Variants in CRLF3 observed in about 807,000 individuals in gnomAD.
The protein encoded by CRLF3 is cytokine receptor like factor 3.
A neutral mutation model predicts 55.0 loss-of-function variants in CRLF3; 33 were observed. The observed-to-expected ratio is 0.60, with a 90% CI of 0.46 to 0.80. The LOEUF is 0.80. Ranked by LOEUF, CRLF3 falls within the 30% of genes least tolerant of loss-of-function variation. CRLF3 has a pLI of 0.00. For synonymous variants in CRLF3, 238 were observed against 196.8 expected (o/e 1.21, Z -1.75); for missense variants, 494 against 538.4 (o/e 0.92, Z 0.82).
chr17:30,786,202 T>C (rs1381087707), intron 6 of CRLF3, 171 bp from the exon 7 acceptor site: 2 of 516,238 alleles, frequency 3.9e-6, no homozygotes, highest in Non-Finnish European at 6.8e-6. Context: ...AATTATTTTA[T>C]ATCTATCTAT....
At chr17:30,788,025 G>A (rs1208552131) in intron 6 of CRLF3, among the ~76,000 whole-genome samples, 12 of 150,706 alleles carry the variant, frequency 8.0e-5, no homozygotes. Context: ...GAGAGCTGGG[G>A]AGGGGAATGA....
intron 4 of CRLF3, 27 bp downstream of exon 4, chr17:30,796,133 T>G: frequency 1.3e-6 from 2 of 1,538,708 alleles, no homozygotes; most frequent in Non-Finnish European, 1.8e-6. Context: ...AATGTGGAAG[T>G]CATTTCTAGA....
At chr17:30,807,522 T>C (rs1904449442) in intron 1 of CRLF3, among the ~76,000 whole-genome samples, 1 of 85,536 alleles carries the variant, frequency 1.2e-5, no homozygotes, top group Admixed American at 1.2e-4. Context: ...CTTTCCTTTT[T>C]TTTTTTTTTT....
intron 1 of CRLF3, among the ~76,000 whole-genome samples, chr17:30,806,149 G>A (rs1370432144): frequency 1.3e-5 from 2 of 152,276 alleles, no homozygotes; most frequent in African/African-American, 4.8e-5. Flanking sequence ...GTAGGAGGCA[G>A]AGCTGGGACA....
Position 30,783,575 on chromosome 17 carries a change from C to T in CRLF3, c.*612G>A, listed in dbSNP as rs1971553318. On this transcript the variant is annotated 3_prime_UTR_variant, in exon 8 of 8. Transcript: ENST00000324238. ...GAGGTTGCAGTGAACTGAGATCACA[C>T]CACTGCACTCCAGCCTGAGTGACAA... 1 of 152,244 alleles carries T rather than the reference C, an allele frequency of 6.6e-6. No individual in the cohort carries two copies. The highest frequency in any genetic ancestry group is 2.4e-5 in the African/African-American group (1 of 41,428). The allele number at this position is 152,244 out of a possible 1,614,324, so 9.4% of individuals were successfully genotyped here.
intron 2 of CRLF3, among the ~76,000 whole-genome samples, chr17:30,802,581 C>A (rs1407870083): frequency 6.6e-6 from 1 of 152,032 alleles, no homozygotes; most frequent in Non-Finnish European, 1.5e-5. Context: ...CAGGTGCATG[C>A]CACCATGCCC....
Position 30,784,125 on chromosome 17 carries a change from A to T in CRLF3, c.*62T>A. 1 of 1,471,870 alleles carries T rather than the reference A, an allele frequency of 6.8e-7. No individual in the cohort carries two copies. Among genetic ancestry groups the T allele is most frequent in the Non-Finnish European group, 9.2e-7 (1 of 1,089,064 alleles). The allele number at this position is 1,471,870 out of a possible 1,614,324, so 91.2% of individuals were successfully genotyped here. ...CAACTTTTTTTTTAAAGCAATTACA[A>T]CTACGCTGGGCTGAGGACAGCTACG... On this transcript the variant is annotated 3_prime_UTR_variant, in exon 8 of 8. Transcript: ENST00000324238.
chr17:30,788,682 A>C (rs1275531222), intron 6 of CRLF3, among the ~76,000 whole-genome samples: 1 of 132,840 alleles, frequency 7.5e-6, no homozygotes, highest in East Asian at 2.3e-4. Context: ...ATCTCGGCTC[A>C]CTGCAACCTC....
Position 30,792,532 on chromosome 17 carries a change from T to A in CRLF3, c.867A>T (p.Arg289=). 6.2e-7 allele frequency: 1 copy of A among 1,612,606 alleles called. No homozygotes were observed. Among genetic ancestry groups the A allele is most frequent in the Non-Finnish European group, 8.5e-7 (1 of 1,178,760 alleles). The change falls in exon 6 of 8, where the codon CGA becomes CGT. Residue 289 remains arginine, a synonymous_variant. Coordinates refer to ENST00000324238, the MANE Select transcript of CRLF3 (RefSeq NM_015986.4). ...AGFEGYSLSS[R]RNIALRNDSE... ...AATCGTTCCGAAGTGCTATATTTCT[T>A]CGACTGCTCAGACTGTACCCCTCAA...
intron 1 of CRLF3, chr17:30,809,584 C>T (rs1348267769): frequency 1.3e-5 from 2 of 152,218 alleles, no homozygotes; most frequent in African/African-American, 2.4e-5. Context: ...CCCAAGGCTT[C>T]GCAGTGCCAG....
intron 6 of CRLF3, among the ~76,000 whole-genome samples, chr17:30,788,030 G>T (rs971469284): frequency 2.0e-5 from 3 of 151,458 alleles, no homozygotes; most frequent in African/African-American, 7.3e-5. Flanking sequence ...CTGGGGAGGG[G>T]AATGAGAAAG....
chr17:30,811,969 G>C (rs1181339981), intron 1 of CRLF3, among the ~76,000 whole-genome samples: 2 of 148,394 alleles, frequency 1.3e-5, no homozygotes, highest in Admixed American at 6.7e-5. Flanking sequence ...AATTAGTTGG[G>C]CTTGGTGGCG....
chr17:30,822,731 C>G (rs2142278988), intron 1 of CRLF3, among the ~76,000 whole-genome samples: 1 of 152,110 alleles, frequency 6.6e-6, no homozygotes, highest in South Asian at 2.1e-4. Flanking sequence ...ATTAATTACT[C>G]CCAGGTGCTA....
Position 30,792,508 on chromosome 17 carries a change from A to G in CRLF3, c.891T>C (p.Asp297=). The G allele has an allele frequency of 1.2e-6, 2 of 1,613,232 alleles. No homozygotes were observed. ...AGTAGAGAACACCCGATGATTCAGA[A>G]TCGTTCCGAAGTGCTATATTTCTTC... ...SSRRNIALRN[D]SESSGVLYSR... Residue 297 remains aspartate, a synonymous_variant, in exon 6 of 8, where the codon GAT becomes GAC. Coordinates refer to ENST00000324238, the MANE Select transcript of CRLF3 (RefSeq NM_015986.4).
chr17:30,796,354 C>T lies in CRLF3; in HGVS notation c.426-17G>A, dbSNP rs1567662351. 2 of 1,601,820 alleles carry T rather than the reference C, an allele frequency of 1.2e-6. No homozygotes were observed. The highest frequency in any genetic ancestry group is 1.7e-6 in the Non-Finnish European group (2 of 1,172,872). ...TCTGGTAAGCTGAGGAAACAAAGCT[C>T]ATGTGTTATGAGACCTCTAACTGAG... On this transcript the variant is annotated splice_polypyrimidine_tract_variant and intron_variant, in intron 3 of 7. Transcript: ENST00000324238.
At position 30,782,892 on chromosome 17, in the gene CRLF3, A is replaced by G. The variant is rs547783950; in HGVS notation, c.*1295T>C. 7.8e-5 allele frequency: 9 copies of G among 116,114 alleles called. No homozygotes were observed. The highest frequency in any genetic ancestry group is 2.6e-4 in the African/African-American group (8 of 30,862). The allele number at this position is 116,114 out of a possible 1,614,324, so 7.2% of individuals were successfully genotyped here. A position where few individuals can be genotyped will look rare whatever the true frequency, so the allele number is the denominator to read the frequency against. On this transcript the variant is annotated 3_prime_UTR_variant, in exon 8 of 8. Transcript: ENST00000324238. ...ATACTTGCTTTTCTACTTTTTTACTATACTGGTAAAAATGAAATGAAAAAA... is the reference window on the plus strand; with the variant it reads ...ATACTTGCTTTTCTACTTTTTTACTGTACTGGTAAAAATGAAATGAAAAAA...
intron 1 of CRLF3, among the ~76,000 whole-genome samples, chr17:30,814,149 C>T (rs952735520): frequency 2.0e-5 from 3 of 151,934 alleles, no homozygotes; most frequent in East Asian, 1.9e-4. Context: ...CCCAGATACT[C>T]GGGAGGATGA....
At chr17:30,811,299 A>G (rs1029235643) in intron 1 of CRLF3, among the ~76,000 whole-genome samples, 17 of 151,808 alleles carry the variant, frequency 1.1e-4, no homozygotes, top group African/African-American at 3.9e-4. Flanking sequence ...TGCTAAAAAC[A>G]CAAAAATTAG....
At chr17:30,818,456 C>CA (rs1555550382) in intron 1 of CRLF3, among the ~76,000 whole-genome samples, 2 of 133,248 alleles carry the variant, frequency 1.5e-5, no homozygotes, top group East Asian at 4.3e-4. Flanking sequence ...TTTTCTTTTC[C>CA]TTTTTTTTTT....
Sources: allele counts gnomAD v4.1 joint callset (sites outside exome capture counted in the v4.1 genomes callset), GRCh38; gene constraint gnomAD v4.1.1; transcripts MANE v1.5; gene names NCBI Gene and HGNC (gene_info 2026-07-23, HGNC 2026-07-21).